The following RGPD8 variants were observed in gnomAD, a reference collection of about 807,000 sequenced individuals.
RGPD8 encodes the protein RANBP2-like and GRIP domain-containing protein 8.
A neutral mutation model predicts 89.1 loss-of-function variants in RGPD8; 15 were observed. The ratio of observed to expected loss-of-function variants is 0.17; its 90% CI spans 0.11 to 0.26. The LOEUF is 0.26. Ranked by LOEUF, RGPD8 falls within the 10% of genes least tolerant of loss-of-function variation. The probability of loss-of-function intolerance (pLI) is 1.00; values close to 1 mark genes in which losing one functional copy is unlikely to be tolerated. For missense variants in RGPD8, 178 were observed against 1,179.6 expected (o/e 0.15, Z 12.44); for synonymous variants, 62 against 420.9 (o/e 0.15, Z 10.44).
chr2:112,387,341 T>C (rs909688975), intron 20 of RGPD8, among the ~76,000 whole-genome samples: 1 of 115,942 alleles, frequency 8.6e-6, no homozygotes, highest in Non-Finnish European at 1.9e-5. Flanking sequence ...CTCAATATCA[T>C]GTTTTTTTTT....
At chr2:112,373,479 G>A (rs1362806959) in intron 22 of RGPD8, among the ~76,000 whole-genome samples, 1 of 152,274 alleles carries the variant, frequency 6.6e-6, no homozygotes, top group Non-Finnish European at 1.5e-5. Context: ...CAAACCCACA[G>A]AAAGGAAAAC....
chr2:112,391,144 T>C (rs2104785867), intron 18 of RGPD8, 75 bp from the exon 19 acceptor site: 1 of 838,872 alleles, frequency 1.2e-6, no homozygotes, highest in South Asian at 1.6e-5. Context: ...AGGCAAGAGC[T>C]ATAAATACAA....
chr2:112,376,666 T>C (rs1319702850), intron 22 of RGPD8, among the ~76,000 whole-genome samples: 1 of 151,954 alleles, frequency 6.6e-6, no homozygotes, highest in Non-Finnish European at 1.5e-5. Context: ...ATAGAAAAAT[T>C]AGCTGGCGTG....
chr2:112,433,420 C>G lies in RGPD8; in HGVS notation c.34G>C (p.Val12Leu), dbSNP rs566807715. 1.5e-4 allele frequency: 236 copies of G among 1,610,438 alleles called. 1 individual carries two copies. In the South Asian group the frequency reaches 1.6e-3, roughly 11 times the overall value. ...GGGGTGAGACCCAGCACCGAGGCGA[C>G]GTACCGCTCCACATCGGCCTTGCTG... ...RRSKADVERYVASVLGLTPSP... is the reference protein window; with the variant it reads ...RRSKADVERYLASVLGLTPSP... The change falls in exon 1 of 23, where the codon GTC (valine) becomes CTC (leucine). Residue 12 changes from valine (V) to leucine (L), a missense_variant. Coordinates refer to ENST00000302558, the MANE Select transcript of RGPD8 (RefSeq NM_001164463.1).
At chr2:112,380,615 T>C (rs1678257651) in intron 21 of RGPD8, among the ~76,000 whole-genome samples, 1 of 132,900 alleles carries the variant, frequency 7.5e-6, no homozygotes, top group African/African-American at 2.9e-5. Flanking sequence ...ATCGTGCCAC[T>C]GCACTCCAGC....
intron 1 of RGPD8, among the ~76,000 whole-genome samples, chr2:112,430,778 TG>T (rs1327700207): frequency 6.6e-6 from 1 of 151,392 alleles, no homozygotes; most frequent in Non-Finnish European, 1.5e-5. Flanking sequence ...CTGGGTAACA[TG>T]GTAAGACCCC....
intron 22 of RGPD8, among the ~76,000 whole-genome samples, chr2:112,371,932 C>T (rs1210319793): frequency 6.0e-5 from 9 of 149,926 alleles, no homozygotes; most frequent in South Asian, 2.1e-4. Flanking sequence ...GTTTTATCTG[C>T]GTGTTATTTA....
intron 4 of RGPD8, among the ~76,000 whole-genome samples, chr2:112,419,796 C>T (rs1679509153): frequency 6.9e-6 from 1 of 144,536 alleles, no homozygotes; most frequent in Non-Finnish European, 1.5e-5. Flanking sequence ...AGGCATAACA[C>T]CTAAGAGAGT....
At chr2:112,381,944 G>C (rs1364986345) in intron 20 of RGPD8, among the ~76,000 whole-genome samples, 2 of 152,308 alleles carry the variant, frequency 1.3e-5, no homozygotes, top group African/African-American at 2.4e-5. Flanking sequence ...TTAATCCTGA[G>C]TGTTGTCTGT....
rs1386618261 is a variant in RGPD8, at chr2:112,387,372, T to A, written c.4921+652A>T. On this transcript the variant is annotated intron_variant, in intron 20 of 22. Coordinates refer to ENST00000302558, the MANE Select transcript of RGPD8 (RefSeq NM_001164463.1). The stretch of plus-strand genomic sequence containing the variant: ...TTTTTGTTTTTTGTTTTTTGTTTTT[T>A]TTGGAGACAAAGTCTCACTCAGTCA... Among the ~76,000 whole-genome samples the A allele has an allele frequency of 4.4e-4, 60 of 137,664 alleles. 10 individuals carry two copies. The highest frequency in any genetic ancestry group is 2.6e-4 in the Non-Finnish European group (16 of 62,438). The allele number at this position is 137,664 out of a possible 152,430, so 90.3% of individuals were successfully genotyped here.
In RGPD8 at chr2:112,429,304, C is replaced by T. The variant is rs531592849; in HGVS notation, c.72+4078G>A. ...AGTGTTGTGGCGGGTGCCTGTAGTC[C>T]CAGCTACAGGCTGGGGCAGGAGAAT... On this transcript the variant is annotated intron_variant, in intron 1 of 22. Transcript: ENST00000302558. Among the ~76,000 whole-genome samples, 91 of 148,336 alleles carry T rather than the reference C, an allele frequency of 6.1e-4. 1 individual carries two copies. The highest frequency in any genetic ancestry group is 2.2e-3 in the African/African-American group (91 of 40,640).
rs2104830647 is a variant in RGPD8, at chr2:112,424,224, T to TA, written c.140+15dup. The TA allele has an allele frequency of 6.3e-7, 1 of 1,586,622 alleles. No individual in the cohort carries two copies. The highest frequency in any genetic ancestry group is 2.2e-5 in the East Asian group (1 of 44,700). ...TGATTTTAAAAAAAAGAATACATGT[T>TA]ACGGTTTGTACTTACTTTTTAGCAA... On this transcript the variant is annotated intron_variant, in intron 2 of 22. Transcript: ENST00000302558.
At chr2:112,385,348 T>TG in intron 20 of RGPD8, among the ~76,000 whole-genome samples, 1 of 143,152 alleles carries the variant, frequency 7.0e-6, no homozygotes, top group Non-Finnish European at 1.5e-5. Flanking sequence ...ATATGCAACC[T>TG]GTTCTGATCT....
chr2:112,430,112 A>C (rs918187394), intron 1 of RGPD8, among the ~76,000 whole-genome samples: 1 of 152,214 alleles, frequency 6.6e-6, no homozygotes, highest in Non-Finnish European at 1.5e-5. Flanking sequence ...AAAATGGCAA[A>C]ACAAGAGAAG....
chr2:112,402,503 G>GAAAAGAAAAGA (rs1678904299), intron 9 of RGPD8, among the ~76,000 whole-genome samples: 1 of 151,882 alleles, frequency 6.6e-6, no homozygotes. Flanking sequence ...AACAAGAAAA[G>GAAAAGAAAAGA]AAAAGAAAAG....
Position 112,433,596 on chromosome 2 carries a change from GC to G in RGPD8, c.-144del. Reference sequence around the variant, plus strand: ...CCCACTGTGACGAGCGTGCGGCGCCGCCCACGGAGGCCCACTGTGACGAACC... The same window carrying G: ...CCCACTGTGACGAGCGTGCGGCGCCGCCACGGAGGCCCACTGTGACGAACC... On this transcript the variant is annotated 5_prime_UTR_variant, in exon 1 of 23. Transcript: ENST00000302558. 1.2e-6 allele frequency: 1 copy of G among 847,276 alleles called. No individual in the cohort carries two copies. The highest frequency in any genetic ancestry group is 1.8e-6 in the Non-Finnish European group (1 of 560,038). 52.5% of individuals were successfully genotyped at this position (847,276 alleles called of 1,614,324 possible).
intron 17 of RGPD8, among the ~76,000 whole-genome samples, chr2:112,395,696 C>CAT (rs1678806144): frequency 7.9e-6 from 1 of 127,282 alleles, no homozygotes; most frequent in Non-Finnish European, 1.7e-5. Context: ...TTAATTTTTA[C>CAT]ACCATCTACA....
intron 21 of RGPD8, among the ~76,000 whole-genome samples, chr2:112,380,402 C>A (rs1558973869): frequency 7.9e-6 from 1 of 125,834 alleles, no homozygotes; most frequent in Non-Finnish European, 1.8e-5. Flanking sequence ...ACCTGTAATA[C>A]CCGCACTTCG....
chr2:112,421,201 C>CA (rs1278646010), intron 4 of RGPD8, among the ~76,000 whole-genome samples: 13 of 132,466 alleles, frequency 9.8e-5, no homozygotes, highest in Non-Finnish European at 1.9e-4. Context: ...ACTTCCTGTG[C>CA]AAAAAAATCT....
Sources: allele counts gnomAD v4.1 joint callset (sites outside exome capture counted in the v4.1 genomes callset), GRCh38; gene constraint gnomAD v4.1.1; transcripts MANE v1.5; gene names NCBI Gene and HGNC (gene_info 2026-07-23, HGNC 2026-07-21).